Variants in GPC4 observed in about 807,000 individuals in gnomAD.
GPC4 encodes the protein glypican 4, also known as glypican-4.
Under a neutral mutation model 35.0 loss-of-function variants are expected in GPC4, and 10 were observed. The observed-to-expected ratio is 0.29, with a 90% CI of 0.18 to 0.48. GPC4 has a LOEUF of 0.48. Ranked by LOEUF, GPC4 falls within the 20% of genes least tolerant of loss-of-function variation. GPC4 has a pLI of 0.99. For synonymous variants in GPC4, 167 were observed against 170.2 expected, an observed-to-expected ratio of 0.98 and a Z score of 0.15; for missense variants, 322 against 451.3, an observed-to-expected ratio of 0.71 and a Z score of 2.60.
rs1243055125 is a variant in GPC4, at chrX:133,415,352, G to A, written c.-387C>T. The A allele has an allele frequency of 1.1e-5, 2 of 176,440 alleles. No individual in the cohort carries two copies. Among genetic ancestry groups the A allele is most frequent in the Middle Eastern group, 1.9e-3 (1 of 518 alleles). 14.5% of individuals were successfully genotyped at this position (176,440 alleles called of 1,213,427 possible). The stretch of plus-strand genomic sequence containing the variant: ...GCAGGCGCCGCGGGGACCGCAGAGG[G>A]TGTGGGCGGCGGCGGGCGTTCGCTG... On this transcript the variant is annotated 5_prime_UTR_variant, in exon 1 of 9. Coordinates refer to ENST00000370828, the MANE Select transcript of GPC4 (RefSeq NM_001448.3).
chrX:133,373,388 G>GACAC (rs745387266), intron 1 of GPC4, among the ~76,000 whole-genome samples: 18 of 107,129 alleles, frequency 1.7e-4, no homozygotes, highest in African/African-American at 2.4e-4. Flanking sequence ...GGTTATTGAA[G>GACAC]ACACACACAC....
chrX:133,318,610 T>C (rs1192330178), intron 3 of GPC4, among the ~76,000 whole-genome samples: 1 of 112,072 alleles, frequency 8.9e-6, no homozygotes, highest in Non-Finnish European at 1.9e-5. Context: ...CAGTGTTAAC[T>C]GAAACCATGA....
chrX:133,406,890 C>T (rs906057485), intron 1 of GPC4, among the ~76,000 whole-genome samples: 11 of 110,207 alleles, frequency 1.0e-4, no homozygotes, highest in Admixed American at 6.8e-4. Context: ...GCCTGGCCAA[C>T]ATGGTGAATC....
intron 1 of GPC4, among the ~76,000 whole-genome samples, chrX:133,377,443 T>C (rs1036192749): frequency 1.4e-4 from 16 of 112,368 alleles, no homozygotes; most frequent in Admixed American, 1.4e-3. Flanking sequence ...ATAGTGCTCA[T>C]TTCCCTTGGC....
At chrX:133,346,807 C>T (rs1281169695) in intron 1 of GPC4, among the ~76,000 whole-genome samples, 1 of 111,541 alleles carries the variant, frequency 9.0e-6, no homozygotes, top group Non-Finnish European at 1.9e-5. Context: ...AAAAAATCCA[C>T]ATTTATATAA....
At chrX:133,323,522 C>T in intron 3 of GPC4, among the ~76,000 whole-genome samples, 1 of 112,245 alleles carries the variant, frequency 8.9e-6, no homozygotes, top group Non-Finnish European at 1.9e-5. Flanking sequence ...TAGTCCAATT[C>T]GCTGAATTTC....
rs781679785 is a variant in GPC4 at position 133,302,956 on chromosome X, C to T, written c.1582G>A (p.Asp528Asn). 1 of 1,211,596 alleles carries T rather than the reference C, an allele frequency of 8.3e-7. No individual in the cohort carries two copies. Among genetic ancestry groups the T allele is most frequent in the South Asian group, 1.8e-5 (1 of 56,973 alleles). The change falls in exon 9 of 9, where the codon GAC (aspartate) becomes AAC (asparagine). Residue 528 changes from aspartate (D) to asparagine (N), a missense_variant. Physicochemically the swap from Asp to Asn is conservative, Grantham distance 23. Around this residue, in one of 3 missense-constraint regions of GPC4, gnomAD observed 99 missense variants for 110.0 expected, o/e 0.90. Coordinates refer to ENST00000370828, the MANE Select transcript of GPC4 (RefSeq NM_001448.3). Reference protein sequence around the residue: ...HAGKSANEKADSAGVRPGAQA... With the variant: ...HAGKSANEKANSAGVRPGAQA... ...GCCCCAGGACGGACACCAGCACTGT[C>T]GGCTTTCTCATTGGCACTCTTCCCA...
intron 2 of GPC4, among the ~76,000 whole-genome samples, chrX:133,338,822 CTT>C: frequency 9.0e-6 from 1 of 110,532 alleles, no homozygotes; most frequent in East Asian, 2.8e-4. Context: ...TGTAAATTCT[CTT>C]TATTTTGACT....
intron 1 of GPC4, among the ~76,000 whole-genome samples, chrX:133,347,257 T>A (rs982630208): frequency 1.1e-5 from 1 of 88,860 alleles, no homozygotes; most frequent in East Asian, 3.4e-4. Context: ...AGTTTTTTTT[T>A]TTTTTTTTTT....
chrX:133,360,797 C>T (rs1029615213), intron 1 of GPC4, among the ~76,000 whole-genome samples: 9 of 111,457 alleles, frequency 8.1e-5, no homozygotes, highest in African/African-American at 2.6e-4. Flanking sequence ...CAGTCTGGGG[C>T]CATTTAGCTT....
chrX:133,406,659 G>C (rs1489248649), intron 1 of GPC4, among the ~76,000 whole-genome samples: 4 of 101,648 alleles, frequency 3.9e-5, no homozygotes, highest in African/African-American at 1.4e-4. Flanking sequence ...TGAAGCAGGA[G>C]AATCACTTGA....
intron 1 of GPC4, among the ~76,000 whole-genome samples, chrX:133,405,931 G>A (rs956298050): frequency 1.8e-5 from 2 of 111,677 alleles, no homozygotes; most frequent in Admixed American, 1.9e-4. Flanking sequence ...GAATGCATGG[G>A]CTTTATGACA....
At chrX:133,378,713 G>A (rs967917680) in intron 1 of GPC4, among the ~76,000 whole-genome samples, 5 of 110,929 alleles carry the variant, frequency 4.5e-5, no homozygotes, top group Admixed American at 3.8e-4. Context: ...CATATAAAAT[G>A]TGGTTCCAGA....
At chrX:133,373,388 GACAC>G (rs745387266) in intron 1 of GPC4, among the ~76,000 whole-genome samples, 8 of 107,102 alleles carry the variant, frequency 7.5e-5, no homozygotes, top group Admixed American at 3.0e-4. Flanking sequence ...GGTTATTGAA[GACAC>G]ACACACACAC....
chrX:133,371,826 G>A (rs1013910920), intron 1 of GPC4, among the ~76,000 whole-genome samples: 6 of 111,461 alleles, frequency 5.4e-5, no homozygotes, highest in African/African-American at 1.6e-4. Context: ...TTCTCAGGAC[G>A]TTCTAAGTCA....
rs1016636934 is a variant in GPC4 at position 133,306,014 on chromosome X, C to A, written c.1008+10G>T. ...CCTAGCTCCCCTTTCCAGCATCCTG[C>A]CTTCATTACCTTCTGAGACACTTGA... On this transcript the variant is annotated intron_variant, in intron 5 of 8. Transcript: ENST00000370828. 1 of 1,208,992 alleles carries A rather than the reference C, an allele frequency of 8.3e-7. No homozygotes were observed. The highest frequency in any genetic ancestry group is 1.8e-5 in the African/African-American group (1 of 56,928).
At chrX:133,319,850 G>C (rs893002141) in intron 3 of GPC4, among the ~76,000 whole-genome samples, 2 of 111,046 alleles carry the variant, frequency 1.8e-5, no homozygotes, top group Non-Finnish European at 3.8e-5. Context: ...TTTTTTAACT[G>C]GCTGTCATAC....
intron 1 of GPC4, among the ~76,000 whole-genome samples, chrX:133,414,251 G>A (rs1443151141): frequency 9.1e-6 from 1 of 109,395 alleles, no homozygotes; most frequent in Non-Finnish European, 1.9e-5. Flanking sequence ...CAAGAGAGGC[G>A]GGGAGAGAGT....
chrX:133,303,187 C>T lies in GPC4; in HGVS notation c.1447G>A (p.Asp483Asn), dbSNP rs1245739176. 5.0e-6 allele frequency: 6 copies of T among 1,211,532 alleles called. No homozygotes were observed. The highest frequency in any genetic ancestry group is 4.3e-5 in the Admixed American group (2 of 46,015). The change falls in exon 8 of 9, where the codon GAC becomes AAC. Residue 483 changes from aspartate (D) to asparagine (N), a missense_variant. Physicochemically the swap from Asp to Asn is conservative, Grantham distance 23 (BLOSUM62 1). This residue lies in a region of GPC4 where 99 missense variants were observed against 110.0 expected (regional missense o/e 0.90). Transcript: ENST00000370828. ...SKMKNAYNGN[D>N]VDFFDISDES... ...TTACTGATATCAAAGAAGTCCACGTCGTTCCCATTGTATGCATTCTTCATC... is the reference window on the plus strand; with the variant it reads ...TTACTGATATCAAAGAAGTCCACGTTGTTCCCATTGTATGCATTCTTCATC...
Sources: gnomAD v4.1 joint callset for allele counts (sites outside exome capture counted in the v4.1 genomes callset) on GRCh38, gnomAD v4.1.1 for gene constraint, gnomAD v4.1.1 regional missense constraint, MANE v1.5 for transcripts, NCBI Gene and HGNC (gene_info 2026-07-23, HGNC 2026-07-21) for gene names.